The following BCAS3 variants were observed in gnomAD, a reference collection of about 807,000 sequenced individuals.
BCAS3 encodes the protein BCAS4/BCAS3 fusion.
In BCAS3, 53 loss-of-function variants were observed where a neutral mutation model predicts 116.1. That is an observed-to-expected ratio of 0.46 (90% confidence interval 0.37 to 0.57). The LOEUF is 0.57. Among genes scored for constraint, BCAS3 ranks in the 20% least tolerant of loss-of-function variants. The pLI is 0.00. For missense variants in BCAS3, 917 were observed against 1,165.4 expected, an observed-to-expected ratio of 0.79 and a Z score of 3.10; for synonymous variants, 391 against 408.2, an observed-to-expected ratio of 0.96 and a Z score of 0.51.
Position 61,001,587 on chromosome 17 carries a change from A to G in BCAS3, c.1486+11352A>G, listed in dbSNP as rs141186801. Among the ~76,000 whole-genome samples the G allele has an allele frequency of 6.8e-3, 1,034 of 152,314 alleles. 9 individuals carry two copies. The highest frequency in any genetic ancestry group is 0.027 in the South Asian group (128 of 4,828). ...AAGAAAAATCAATCAAGTGCACTGT[A>G]GCTCTGCTTTAGATTTTATGCCTCA... On this transcript the variant is annotated intron_variant, in intron 15 of 23. Coordinates refer to ENST00000407086, the MANE Select transcript of BCAS3 (RefSeq NM_017679.5).
chr17:61,111,534 G>A (rs1273420419), intron 22 of BCAS3, among the ~76,000 whole-genome samples: 1 of 151,514 alleles, frequency 6.6e-6, no homozygotes, highest in Non-Finnish European at 1.5e-5. Flanking sequence ...GAAGTTTAGA[G>A]AAAAAAGAAT....
At chr17:60,710,598 A>AT (rs1183104542) in intron 5 of BCAS3, among the ~76,000 whole-genome samples, 1 of 151,578 alleles carries the variant, frequency 6.6e-6, no homozygotes, top group Non-Finnish European at 1.5e-5. Flanking sequence ...CGCCTGGCTA[A>AT]TTTTTTGTAT....
At chr17:60,984,965 G>A (rs1339394420) in intron 14 of BCAS3, among the ~76,000 whole-genome samples, 1 of 134,856 alleles carries the variant, frequency 7.4e-6, no homozygotes, top group Non-Finnish European at 1.5e-5. Context: ...AGCCGAGATT[G>A]CACCACTGCA....
intron 22 of BCAS3, among the ~76,000 whole-genome samples, chr17:61,202,353 G>A (rs375119062): frequency 6.6e-6 from 1 of 151,770 alleles, no homozygotes; most frequent in Admixed American, 6.6e-5. Context: ...AACGATTTGC[G>A]CAATCTATCA....
At chr17:61,305,710 A>G (rs914565821) in intron 22 of BCAS3, among the ~76,000 whole-genome samples, 4 of 152,194 alleles carry the variant, frequency 2.6e-5, no homozygotes, top group Non-Finnish European at 4.4e-5. Context: ...AGCCTGGGCA[A>G]CATGGTGAAA....
chr17:60,809,464 C>T (rs2048592127), intron 7 of BCAS3, among the ~76,000 whole-genome samples: 1 of 152,186 alleles, frequency 6.6e-6, no homozygotes, highest in African/African-American at 2.4e-5. Context: ...TGCAGCTGCT[C>T]CTGTCCCACT....
rs544314694 is a variant in BCAS3, at chr17:61,347,199, A to C, written c.2426-21128A>C. On this transcript the variant is annotated intron_variant, in intron 22 of 23. Coordinates refer to ENST00000407086, the MANE Select transcript of BCAS3 (RefSeq NM_017679.5). This position sits in a 1 kb window ranked among gnomAD's most constrained non-coding sequence, Gnocchi z 4.3. ...AAGCGATTCTCCTGCCTCCCGCCTCAGCCTCCCGAGTAGCTGGGATTACAG... is the reference window on the plus strand; with the variant it reads ...AAGCGATTCTCCTGCCTCCCGCCTCCGCCTCCCGAGTAGCTGGGATTACAG... Among the ~76,000 whole-genome samples the C allele has an allele frequency of 2.5e-4, 38 of 152,194 alleles. No individual in the cohort carries two copies. In the East Asian group the frequency reaches 7.2e-3, roughly 29 times the overall value.
At chr17:61,001,473 A>C (rs2064233335) in intron 15 of BCAS3, among the ~76,000 whole-genome samples, 1 of 152,188 alleles carries the variant, frequency 6.6e-6, no homozygotes, top group South Asian at 2.1e-4. Context: ...TAAGAGAATC[A>C]ATGATAATGT....
chr17:60,974,992 C>CTTTTTTTTTTTTTTTTTT (rs1568007292), intron 14 of BCAS3, among the ~76,000 whole-genome samples: 1 of 142,026 alleles, frequency 7.0e-6, no homozygotes. Flanking sequence ...GTTTTTTTTG[C>CTTTTTTTTTTTTTTTTTT]TTTTTTGTTT....
At position 61,348,757 on chromosome 17, in the gene BCAS3, T is replaced by C. The variant is rs2057655546; in HGVS notation, c.2426-19570T>C. Among the ~76,000 whole-genome samples the C allele has an allele frequency of 6.8e-6, 1 of 147,718 alleles. No homozygotes were observed. Among genetic ancestry groups the C allele is most frequent in the African/African-American group, 2.5e-5 (1 of 40,290 alleles). On this transcript the variant is annotated intron_variant, in intron 22 of 23. Coordinates refer to ENST00000407086, the MANE Select transcript of BCAS3 (RefSeq NM_017679.5). The surrounding 1 kb of genome is among the most constrained non-coding windows in gnomAD (Gnocchi z 4.5). ...TGCAACCTCTTGGGCAGAGATTCTT[T>C]TTTTTTTTTTTTTGAAACAGAGTCT...
rs200546469 is a variant in BCAS3, at chr17:61,057,898, CTA to C, written c.2029+17010_2029+17011del. ...AATGTATATATGATTTTAGTTTTTCCTATATGTTTTAATACTTTGTTTTAAAT... is the reference window on the plus strand; with the variant it reads ...AATGTATATATGATTTTAGTTTTTCCTATGTTTTAATACTTTGTTTTAAAT... On this transcript the variant is annotated intron_variant, in intron 19 of 23. Coordinates refer to ENST00000407086, the MANE Select transcript of BCAS3 (RefSeq NM_017679.5). Among the ~76,000 whole-genome samples the C allele has an allele frequency of 6.6e-3, 996 of 151,888 alleles. 6 individuals carry two copies. Among genetic ancestry groups the C allele is most frequent in the Non-Finnish European group, 0.011 (744 of 67,922 alleles).
chr17:61,034,924 C>A lies in BCAS3; in HGVS notation c.1762+134C>A. On this transcript the variant is annotated intron_variant, in intron 17 of 23. Transcript: ENST00000407086. The surrounding 1 kb of genome is among the most constrained non-coding windows in gnomAD (Gnocchi z 5.0). ...AATTTTTTTAATGTAATTAGCATGTCACTTCTCAACTACTCAAGCCTAGTC... is the reference window on the plus strand; with the variant it reads ...AATTTTTTTAATGTAATTAGCATGTAACTTCTCAACTACTCAAGCCTAGTC... 1 of 741,292 alleles carries A rather than the reference C, an allele frequency of 1.3e-6. No homozygotes were observed. The highest frequency in any genetic ancestry group is 2.2e-6 in the Non-Finnish European group (1 of 464,252). 45.9% of individuals were successfully genotyped at this position (741,292 alleles called of 1,614,324 possible). A position where few individuals can be genotyped will look rare whatever the true frequency, so the allele number is the denominator to read the frequency against.
rs2048755715 is a variant in BCAS3, at chr17:61,256,073, T to C, written c.2426-112254T>C. 1.3e-5 allele frequency among the ~76,000 whole-genome samples: 2 copies of C among 152,186 alleles called. No homozygotes were observed. Among genetic ancestry groups the C allele is most frequent in the South Asian group, 4.1e-4 (2 of 4,830 alleles). On this transcript the variant is annotated intron_variant, in intron 22 of 23. Coordinates refer to ENST00000407086, the MANE Select transcript of BCAS3 (RefSeq NM_017679.5). This position sits in a 1 kb window ranked among gnomAD's most constrained non-coding sequence, Gnocchi z 5.6. Reference sequence around the variant, plus strand: ...TTTTAACCTTTCAGTTAATAAATGTTTTCCAGCCTCCATCAGCCTCTACTG... The same window carrying C: ...TTTTAACCTTTCAGTTAATAAATGTCTTCCAGCCTCCATCAGCCTCTACTG...
chr17:61,100,491 T>G (rs1445103144), intron 22 of BCAS3, among the ~76,000 whole-genome samples: 1 of 152,162 alleles, frequency 6.6e-6, no homozygotes, highest in Admixed American at 6.5e-5. Flanking sequence ...ACTCACCCCC[T>G]TGATTAAATT....
rs1314225746 is a variant in BCAS3, at chr17:60,960,149, C to G, written c.1221+12797C>G. 6.6e-6 allele frequency among the ~76,000 whole-genome samples: 1 copy of G among 152,152 alleles called. No homozygotes were observed. Among genetic ancestry groups the G allele is most frequent in the African/African-American group, 2.4e-5 (1 of 41,426 alleles). The stretch of plus-strand genomic sequence containing the variant: ...ATAATTCACTTCTCTGTATTCTATC[C>G]TCTGCCTCCCAGAATTCATGTTCAT... On this transcript the variant is annotated intron_variant, in intron 14 of 23. Transcript: ENST00000407086. This position sits in a 1 kb window ranked among gnomAD's most constrained non-coding sequence, Gnocchi z 4.1.
rs2076970168 is a variant in BCAS3, at chr17:61,142,343, T to C, written c.2425+57779T>C. On this transcript the variant is annotated intron_variant, in intron 22 of 23. Transcript: ENST00000407086. ...CAGCGGCTTTCTTGATGCTAGATGA[T>C]GTGGCCCCAGTTTTGGTAATGGAGG... 5.3e-5 allele frequency among the ~76,000 whole-genome samples: 8 copies of C among 152,344 alleles called. No individual in the cohort carries two copies. The South Asian group carries it at 1.7e-3, about 32-fold the overall frequency.
chr17:61,159,788 G>C (rs951861114), intron 22 of BCAS3, among the ~76,000 whole-genome samples: 1 of 152,084 alleles, frequency 6.6e-6, no homozygotes, highest in Admixed American at 6.5e-5. Flanking sequence ...GAAAAATCTG[G>C]TTTATCTGTG....
At chr17:60,976,020 C>CTTTTTTTTTTTTCTTTTT (rs2062329877) in intron 14 of BCAS3, among the ~76,000 whole-genome samples, 1 of 98,286 alleles carries the variant, frequency 1.0e-5, no homozygotes, top group African/African-American at 4.2e-5. Context: ...TAGATTTTTG[C>CTTTTTTTTTTTTCTTTTT]TTTTTTTTTT....
At chr17:61,048,166 G>A (rs1009049677) in intron 19 of BCAS3, among the ~76,000 whole-genome samples, 9 of 151,904 alleles carry the variant, frequency 5.9e-5, no homozygotes, top group Admixed American at 5.9e-4. Context: ...CAAATTTTGG[G>A]GAGATTTAGT....
Sources: gnomAD v4.1 joint callset for allele counts (sites outside exome capture counted in the v4.1 genomes callset) on GRCh38, gnomAD v4.1.1 for gene constraint, Gnocchi (gnomAD v3.1) non-coding constraint, MANE v1.5 for transcripts, NCBI Gene and HGNC (gene_info 2026-07-23, HGNC 2026-07-21) for gene names.